STXBP5L: variants seen among roughly 807,000 people sequenced by gnomAD.
STXBP5L encodes syntaxin binding protein 5L.
STXBP5L carries 65 observed loss-of-function variants against 144.5 expected under a neutral mutation model. That is an observed-to-expected ratio of 0.45 (90% confidence interval 0.37 to 0.55). The LOEUF is 0.55. Ranked by LOEUF, STXBP5L falls within the 20% of genes least tolerant of loss-of-function variation. The probability of loss-of-function intolerance (pLI) is 0.00; values close to 1 mark genes in which losing one functional copy is unlikely to be tolerated. For missense variants in STXBP5L, 1,298 were observed against 1,405.5 expected, an observed-to-expected ratio of 0.92 and a Z score of 1.22; for synonymous variants, 505 against 469.6, an observed-to-expected ratio of 1.08 and a Z score of -0.97.
chr3:121,121,444 AAAT>A (rs773122964), intron 6 of STXBP5L, among the ~76,000 whole-genome samples, 194 bp from the exon 7 acceptor site: 9 of 151,352 alleles, frequency 5.9e-5, no homozygotes, highest in African/African-American at 9.7e-5. Flanking sequence ...AGAAAAACAT[AAAT>A]AAGTAGTTTG....
intron 14 of STXBP5L, among the ~76,000 whole-genome samples, chr3:121,245,560 C>G (rs1192554640): frequency 1.3e-5 from 2 of 151,968 alleles, no homozygotes; most frequent in Non-Finnish European, 2.9e-5. Flanking sequence ...AAGAAACTCA[C>G]TTTAGATTTA....
intron 3 of STXBP5L, among the ~76,000 whole-genome samples, chr3:121,025,959 G>T (rs1331766985): frequency 1.4e-5 from 2 of 143,136 alleles, no homozygotes; most frequent in East Asian, 2.0e-4. Flanking sequence ...ATATCATAAT[G>T]TATAATATAT....
chr3:121,362,898 C>T (rs779971294), intron 20 of STXBP5L, among the ~76,000 whole-genome samples: 41 of 152,098 alleles, frequency 2.7e-4, no homozygotes, highest in Non-Finnish European at 4.6e-4. Flanking sequence ...AACATTGCAC[C>T]TGGATATTGC....
chr3:121,335,950 A>G (rs547299722), intron 20 of STXBP5L, among the ~76,000 whole-genome samples: 2 of 152,346 alleles, frequency 1.3e-5, no homozygotes. Flanking sequence ...GCTTCTGCAC[A>G]GCAAAAGAAA....
At chr3:120,998,038 C>A (rs1477433935) in intron 3 of STXBP5L, among the ~76,000 whole-genome samples, 1 of 152,178 alleles carries the variant, frequency 6.6e-6, no homozygotes, top group African/African-American at 2.4e-5. Flanking sequence ...AAGATCCCTT[C>A]ATGTTAAAAA....
Position 121,318,496 on chromosome 3 carries a change from G to A in STXBP5L, c.2132G>A (p.Ser711Asn). ...TCAGGTTTAACTGAACTGAATGACA[G>A]TCCAGTTCCCCTAGAACTTGAGCGC... Reference protein sequence around the residue: ...FIAGLTELNDSPVPLELERCK... With the variant: ...FIAGLTELNDNPVPLELERCK... Residue 711 changes from serine to asparagine, a missense_variant, in exon 20 of 27, where the codon AGT becomes AAT. Ser to Asn is a conservative substitution (Grantham distance 46). Coordinates refer to ENST00000471454, the MANE Select transcript of STXBP5L (RefSeq NM_001308330.2). 1 of 1,564,226 alleles carries A rather than the reference G, an allele frequency of 6.4e-7. No individual in the cohort carries two copies. Among genetic ancestry groups the A allele is most frequent in the Non-Finnish European group, 8.6e-7 (1 of 1,156,644 alleles).
At chr3:121,266,579 G>A (rs993446295) in intron 18 of STXBP5L, among the ~76,000 whole-genome samples, 3 of 152,010 alleles carry the variant, frequency 2.0e-5, no homozygotes, top group Admixed American at 6.6e-5. Context: ...ATAAGGATGC[G>A]GTCTCTCACC....
intron 14 of STXBP5L, among the ~76,000 whole-genome samples, chr3:121,246,916 T>C (rs2049872839): frequency 6.6e-6 from 1 of 152,150 alleles, no homozygotes; most frequent in Non-Finnish European, 1.5e-5. Context: ...TTATTGGGGA[T>C]CTACTAGGGA....
intron 7 of STXBP5L, among the ~76,000 whole-genome samples, chr3:121,129,041 A>G (rs1427193761): frequency 6.6e-6 from 1 of 152,056 alleles, no homozygotes; most frequent in Non-Finnish European, 1.5e-5. Flanking sequence ...AATTTTTAAA[A>G]AAGCAATTAT....
chr3:120,997,012 G>A (rs930243195), intron 3 of STXBP5L, among the ~76,000 whole-genome samples: 1 of 152,094 alleles, frequency 6.6e-6, no homozygotes, highest in Non-Finnish European at 1.5e-5. Context: ...TGTACTCAAT[G>A]TTCAGCTCCC....
At chr3:121,369,102 G>C (rs1047101318) in intron 20 of STXBP5L, among the ~76,000 whole-genome samples, 3 of 152,188 alleles carry the variant, frequency 2.0e-5, no homozygotes, top group African/African-American at 7.2e-5. Context: ...AACTGTTCCA[G>C]GAACATGTGC....
intron 9 of STXBP5L, among the ~76,000 whole-genome samples, chr3:121,186,833 T>G (rs2047403166): frequency 6.6e-6 from 1 of 152,158 alleles, no homozygotes; most frequent in Non-Finnish European, 1.5e-5. Context: ...TCACTGGCCA[T>G]CAGGGAAATG....
At chr3:120,953,744 T>A (rs907887212) in intron 2 of STXBP5L, among the ~76,000 whole-genome samples, 1 of 152,152 alleles carries the variant, frequency 6.6e-6, no homozygotes, top group Non-Finnish European at 1.5e-5. Flanking sequence ...TATACAAAAT[T>A]GTGTTCCTTG....
In STXBP5L at chr3:121,254,911, G is replaced by C. The variant is rs2050156189; in HGVS notation, c.1458G>C (p.Leu486=). Residue 486 remains leucine, a synonymous_variant, in exon 16 of 27, where the codon CTG becomes CTC. Coordinates refer to ENST00000471454, the MANE Select transcript of STXBP5L (RefSeq NM_001308330.2). ...WDASAITLQM[L]YKLKTSKVFE... ...GTCTTATAGTAACTCTGCAGATGCTGTACAAGCTAAAAACTTCAAAAGTGT... is the reference window on the plus strand; with the variant it reads ...GTCTTATAGTAACTCTGCAGATGCTCTACAAGCTAAAAACTTCAAAAGTGT... The C allele has an allele frequency of 1.2e-6, 2 of 1,612,314 alleles. No homozygotes were observed. The highest frequency in any genetic ancestry group is 1.1e-5 in the South Asian group (1 of 90,850).
chr3:121,210,416 C>T (rs1435735412), intron 10 of STXBP5L, among the ~76,000 whole-genome samples: 2 of 151,866 alleles, frequency 1.3e-5, no homozygotes, highest in Admixed American at 1.3e-4. Flanking sequence ...TTTTGCTGTG[C>T]AGAAGCTCTT....
At chr3:121,140,402 A>G (rs1191154073) in intron 7 of STXBP5L, among the ~76,000 whole-genome samples, 6 of 152,196 alleles carry the variant, frequency 3.9e-5, no homozygotes, top group African/African-American at 1.4e-4. Context: ...AACTAAATGA[A>G]TTGCAGTCAA....
intron 9 of STXBP5L, among the ~76,000 whole-genome samples, chr3:121,189,043 T>C (rs562072612): frequency 1.3e-4 from 20 of 152,314 alleles, no homozygotes; most frequent in African/African-American, 4.6e-4. Context: ...ATGACATGAA[T>C]TTTATACTTA....
chr3:121,215,476 G>A lies in STXBP5L; in HGVS notation c.957-7527G>A, dbSNP rs12633822. Among the ~76,000 whole-genome samples the A allele has an allele frequency of 6.4e-4, 97 of 152,264 alleles. No homozygotes were observed. In the East Asian group the frequency reaches 0.013, roughly 21 times the overall value. On this transcript the variant is annotated intron_variant, in intron 10 of 26. Transcript: ENST00000471454. ...TTCACTTATGAAGCTTAGTTTGGCT[G>A]GATATGAAATTCTGGTTTGAAAATT... is the stretch of plus-strand genomic sequence containing the variant.
chr3:121,001,534 G>A (rs1165782829), intron 3 of STXBP5L, among the ~76,000 whole-genome samples: 1 of 152,150 alleles, frequency 6.6e-6, no homozygotes, highest in African/African-American at 2.4e-5. Context: ...AACCCTCTGG[G>A]CTTTGCAGGA....
Sources: gnomAD v4.1 joint callset for allele counts (sites outside exome capture counted in the v4.1 genomes callset) on GRCh38, gnomAD v4.1.1 for gene constraint, MANE v1.5 for transcripts, NCBI Gene and HGNC (gene_info 2026-07-23, HGNC 2026-07-21) for gene names.